The following COLEC11 variants were observed in gnomAD, a reference collection of about 807,000 sequenced individuals.
The protein encoded by COLEC11 is collectin subfamily member 11.
A neutral mutation model predicts 27.3 loss-of-function variants in COLEC11; 20 were observed. The observed-to-expected ratio is 0.73, with a 90% CI of 0.51 to 1.06. The LOEUF (loss-of-function observed/expected upper bound fraction) is 1.06. Among genes scored for constraint, COLEC11 ranks in the 50% least tolerant of loss-of-function variants. The pLI is 0.00. For synonymous variants in COLEC11, 163 were observed against 154.7 expected, an observed-to-expected ratio of 1.05 and a Z score of -0.40; for missense variants, 310 against 383.0, an observed-to-expected ratio of 0.81 and a Z score of 1.59.
intron 2 of COLEC11, among the ~76,000 whole-genome samples, chr2:3,608,936 A>G (rs1209055081): frequency 6.6e-6 from 1 of 152,220 alleles, no homozygotes; most frequent in Non-Finnish European, 1.5e-5. Flanking sequence ...TTCAATCCCC[A>G]TCAGAGCTGA....
chr2:3,597,282 A>G (rs1051729958), intron 1 of COLEC11, among the ~76,000 whole-genome samples: 1 of 149,910 alleles, frequency 6.7e-6, no homozygotes, highest in Non-Finnish European at 1.5e-5. Flanking sequence ...GGATCAGCAG[A>G]TGAGTGTGAG....
chr2:3,604,210 C>A, intron 1 of COLEC11, 105 bp from the exon 2 acceptor site: 1 of 1,286,814 alleles, frequency 7.8e-7, no homozygotes, highest in Non-Finnish European at 1.1e-6. Flanking sequence ...GACAGCCCTT[C>A]CAGGCACCAG....
chr2:3,622,543 G>A (rs1343890093), intron 3 of COLEC11, among the ~76,000 whole-genome samples: 1 of 152,172 alleles, frequency 6.6e-6, no homozygotes, highest in South Asian at 2.1e-4. Context: ...GAGAGAGTGG[G>A]CCTTTAGGAG....
At chr2:3,630,245 A>G (rs1057065174) in intron 3 of COLEC11, among the ~76,000 whole-genome samples, 2 of 152,148 alleles carry the variant, frequency 1.3e-5, no homozygotes, top group Non-Finnish European at 2.9e-5. Context: ...GGTAGTACGT[A>G]TGTGTATGTG....
chr2:3,621,131 C>G (rs559361212), intron 3 of COLEC11, among the ~76,000 whole-genome samples: 51 of 152,198 alleles, frequency 3.4e-4, no homozygotes, highest in African/African-American at 1.2e-3. Flanking sequence ...TATTGAAGTC[C>G]CCTACTATTA....
At chr2:3,626,177 T>A (rs974518503) in intron 3 of COLEC11, 1 of 1,132,266 alleles carries the variant, frequency 8.8e-7, no homozygotes, top group African/African-American at 1.5e-5. Context: ...CATGGCCACA[T>A]GGCTTGGACA....
chr2:3,599,090 A>G (rs1662050696), intron 1 of COLEC11, among the ~76,000 whole-genome samples: 1 of 152,178 alleles, frequency 6.6e-6, no homozygotes, highest in South Asian at 2.1e-4. Flanking sequence ...CCTGGATTTC[A>G]GTCCCACCCT....
chr2:3,633,749 T>C (rs1665182834), intron 3 of COLEC11, among the ~76,000 whole-genome samples: 1 of 152,066 alleles, frequency 6.6e-6, no homozygotes, highest in Non-Finnish European at 1.5e-5. Flanking sequence ...GGTGGAGAGC[T>C]GGGCGAGTTT....
chr2:3,623,504 C>T (rs1020632740), intron 3 of COLEC11, among the ~76,000 whole-genome samples: 4 of 151,844 alleles, frequency 2.6e-5, no homozygotes, highest in African/African-American at 7.3e-5. Flanking sequence ...CTTTTCTCTT[C>T]TCTGATTGAA....
chr2:3,600,569 G>A (rs1334205034), intron 1 of COLEC11, among the ~76,000 whole-genome samples: 3 of 152,146 alleles, frequency 2.0e-5, no homozygotes, highest in Non-Finnish European at 4.4e-5. Flanking sequence ...ACAGAATATG[G>A]TTTAAGAACG....
At chr2:3,622,525 A>G (rs932587473) in intron 3 of COLEC11, among the ~76,000 whole-genome samples, 1 of 152,198 alleles carries the variant, frequency 6.6e-6, no homozygotes, top group African/African-American at 2.4e-5. Context: ...CTTTAATGTA[A>G]TAGTATTGAG....
chr2:3,631,011 G>T (rs1664954591), intron 3 of COLEC11, among the ~76,000 whole-genome samples: 1 of 152,132 alleles, frequency 6.6e-6, no homozygotes, highest in South Asian at 2.1e-4. Context: ...GGAGGCCGAG[G>T]TGGGTGGTCA....
chr2:3,641,450 A>C, intron 5 of COLEC11: 1 of 1,272,200 alleles, frequency 7.9e-7, no homozygotes, highest in Non-Finnish European at 1.0e-6. Flanking sequence ...ACGGCGGGGC[A>C]AGGAGAGGGG....
intron 2 of COLEC11, among the ~76,000 whole-genome samples, chr2:3,609,308 C>A (rs957950900): frequency 1.4e-4 from 2 of 13,894 alleles, no homozygotes; most frequent in Non-Finnish European, 1.9e-4. Context: ...TTTTCAGGGT[C>A]TCTTTCCGTG....
At chr2:3,622,276 T>G (rs970286911) in intron 3 of COLEC11, among the ~76,000 whole-genome samples, 1 of 152,122 alleles carries the variant, frequency 6.6e-6, no homozygotes, top group Non-Finnish European at 1.5e-5. Context: ...TGCAGTGAGC[T>G]ATGATGATGT....
In COLEC11 at chr2:3,621,927, C is replaced by G. The variant is rs548328261; in HGVS notation, c.202+8545C>G. Among the ~76,000 whole-genome samples, 5 of 152,146 alleles carry G rather than the reference C, an allele frequency of 3.3e-5. No homozygotes were observed. In the South Asian group the frequency reaches 1.0e-3, roughly 32 times the overall value. On this transcript the variant is annotated intron_variant, in intron 3 of 6. Transcript: ENST00000349077. ...GGTGCAGTGGCTCACACCTGTAATCCTGGCACTTTGGGAGGCTGAGGCGGG... is the reference window on the plus strand; with the variant it reads ...GGTGCAGTGGCTCACACCTGTAATCGTGGCACTTTGGGAGGCTGAGGCGGG...
chr2:3,605,112 A>G (rs1180258470), intron 2 of COLEC11: 1 of 470,166 alleles, frequency 2.1e-6, no homozygotes, highest in Non-Finnish European at 4.4e-6. Flanking sequence ...CAGCTTCTAC[A>G]AAGCAGAGGC....
intron 3 of COLEC11, among the ~76,000 whole-genome samples, chr2:3,619,755 A>T (rs1450677865): frequency 6.6e-6 from 1 of 152,072 alleles, no homozygotes; most frequent in Non-Finnish European, 1.5e-5. Flanking sequence ...CCGCCCAAGT[A>T]GCTGGGATTA....
chr2:3,642,275 G>A (rs1455401396), intron 5 of COLEC11, among the ~76,000 whole-genome samples: 1 of 152,218 alleles, frequency 6.6e-6, no homozygotes, highest in Non-Finnish European at 1.5e-5. Flanking sequence ...GTGGCTCTCA[G>A]TGATGTCAGA....
Sources: allele counts gnomAD v4.1 joint callset (sites outside exome capture counted in the v4.1 genomes callset), GRCh38; gene constraint gnomAD v4.1.1; transcripts MANE v1.5; gene names NCBI Gene and HGNC (gene_info 2026-07-23, HGNC 2026-07-21).